Variants in CLIP4 observed in about 807,000 individuals in gnomAD.
The protein encoded by CLIP4 is CAP-Gly domain containing linker protein family member 4.
CLIP4 carries 47 observed loss-of-function variants against 73.1 expected under a neutral mutation model. The ratio of observed to expected loss-of-function variants is 0.64; its 90% CI spans 0.51 to 0.82. CLIP4 has a LOEUF of 0.82. Among genes scored for constraint, CLIP4 ranks in the 40% least tolerant of loss-of-function variants. The probability of loss-of-function intolerance (pLI) is 0.00; values close to 1 mark genes in which losing one functional copy is unlikely to be tolerated. For synonymous variants in CLIP4, 306 were observed against 295.4 expected (o/e 1.04, Z -0.37); for missense variants, 874 against 852.9 (o/e 1.02, Z -0.31).
intron 1 of CLIP4, among the ~76,000 whole-genome samples, chr2:29,105,622 T>C (rs116121085): frequency 0.04 from 6,110 of 152,326 alleles, 347 homozygotes; most frequent in African/African-American, 0.12. Context: ...CGTCTTACCA[T>C]GGGTCTGCTC....
intron 6 of CLIP4, among the ~76,000 whole-genome samples, chr2:29,137,343 T>C (rs1283405207): frequency 6.6e-6 from 1 of 152,204 alleles, no homozygotes; most frequent in African/African-American, 2.4e-5. Flanking sequence ...ATCCATGTTG[T>C]TGCAAAGGGC....
At chr2:29,106,438 C>T (rs1327164514) in intron 1 of CLIP4, among the ~76,000 whole-genome samples, 2 of 152,184 alleles carry the variant, frequency 1.3e-5, no homozygotes, top group Admixed American at 1.3e-4. Context: ...TGGGTGGTTT[C>T]TGTTCTCATG....
Position 29,143,412 on chromosome 2 carries a change from T to C in CLIP4, c.649-297T>C, listed in dbSNP as rs78990385. 3.3e-3 allele frequency among the ~76,000 whole-genome samples: 474 copies of C among 145,682 alleles called. 2 individuals carry two copies. Among genetic ancestry groups the C allele is most frequent in the African/African-American group, 0.011 (428 of 40,002 alleles). On this transcript the variant is annotated intron_variant, in intron 6 of 15. Transcript: ENST00000320081. ...ATTCCCCTTCCCTGTTTTTTTTTTT[T>C]CCCTCCAGGCCACTTATGACTGTTT...
chr2:29,149,403 T>C (rs1010119158), intron 8 of CLIP4, among the ~76,000 whole-genome samples: 4 of 127,698 alleles, frequency 3.1e-5, no homozygotes, highest in Non-Finnish European at 5.1e-5. Context: ...GTATTTTTTC[T>C]CCTTTTCTTT....
In CLIP4 at chr2:29,160,808, A is replaced by G. The variant is rs1306680493; in HGVS notation, c.1534+341A>G. Among the ~76,000 whole-genome samples the G allele has an allele frequency of 3.3e-5, 5 of 152,220 alleles. No homozygotes were observed. The East Asian group carries it at 9.6e-4, about 29-fold the overall frequency. ...GCTACGGATAATCTTTAAAATAAGT[A>G]GTAAATAATGAGTTAATTGTATACC... On this transcript the variant is annotated intron_variant, in intron 12 of 15. Transcript: ENST00000320081.
At position 29,129,268 on chromosome 2, in the gene CLIP4, T is replaced by C. The variant is rs1209512513; in HGVS notation, c.134-1990T>C. ...TAATGCTGACAACTCTGAAGGCATA[T>C]TGGTTTTTTAAACTAAACCAACAAT... On this transcript the variant is annotated intron_variant, in intron 2 of 15. Transcript: ENST00000320081. Among the ~76,000 whole-genome samples, 3 of 152,184 alleles carry C rather than the reference T, an allele frequency of 2.0e-5. No individual in the cohort carries two copies. In the East Asian group the frequency reaches 5.8e-4, roughly 29 times the overall value.
chr2:29,100,289 T>G (rs1446717759), intron 1 of CLIP4, among the ~76,000 whole-genome samples: 2 of 152,144 alleles, frequency 1.3e-5, no homozygotes, highest in Non-Finnish European at 2.9e-5. Context: ...TTTTCTTTCA[T>G]TGATTTCTTC....
At chr2:29,171,204 A>C (rs1239730251) in intron 14 of CLIP4, among the ~76,000 whole-genome samples, 1 of 152,174 alleles carries the variant, frequency 6.6e-6, no homozygotes, top group Non-Finnish European at 1.5e-5. Flanking sequence ...TGACATGTTA[A>C]TATTTAGTCT....
intron 1 of CLIP4, among the ~76,000 whole-genome samples, chr2:29,102,308 G>T (rs773020494): frequency 6.6e-6 from 1 of 152,172 alleles, no homozygotes; most frequent in Non-Finnish European, 1.5e-5. Flanking sequence ...CAATGAGACT[G>T]CAGGGACACG....
At position 29,183,418 on chromosome 2, in the gene CLIP4, T is replaced by G. The variant is rs1668734324; in HGVS notation, c.*1525T>G. ...TTTGCAAAATAAGGCTGCTTTGTAA[T>G]CAAGGAATATTTTTATTGATTGAAG... On this transcript the variant is annotated 3_prime_UTR_variant, in exon 16 of 16. Coordinates refer to ENST00000320081, the MANE Select transcript of CLIP4 (RefSeq NM_024692.6). 2 of 152,682 alleles carry G rather than the reference T, an allele frequency of 1.3e-5. No homozygotes were observed. Among genetic ancestry groups the G allele is most frequent in the Admixed American group, 6.5e-5 (1 of 15,290 alleles). The allele number at this position is 152,682 out of a possible 1,614,324, so 9.5% of individuals were successfully genotyped here.
upstream of CLIP4, chr2:29,114,743 A>G (rs1480398681): frequency 6.6e-6 from 1 of 152,310 alleles, no homozygotes; most frequent in East Asian, 1.9e-4. Flanking sequence ...CGCTGAACAC[A>G]GAAGTACAGC....
intron 1 of CLIP4, among the ~76,000 whole-genome samples, chr2:29,098,352 C>T (rs773571343): frequency 2.0e-5 from 3 of 152,206 alleles, no homozygotes; most frequent in Non-Finnish European, 2.9e-5. Flanking sequence ...CTTACGGTAT[C>T]ATGCAGAATA....
intron 15 of CLIP4, among the ~76,000 whole-genome samples, chr2:29,178,856 A>G (rs1044955870): frequency 6.6e-6 from 1 of 152,104 alleles, no homozygotes; most frequent in Non-Finnish European, 1.5e-5. Flanking sequence ...GAGCAGTGGC[A>G]CTATCTCAGC....
intron 15 of CLIP4, among the ~76,000 whole-genome samples, chr2:29,177,660 C>T (rs2148116184): frequency 6.6e-6 from 1 of 152,224 alleles, no homozygotes; most frequent in Non-Finnish European, 1.5e-5. Flanking sequence ...TTCAAGCTGG[C>T]AGAAATGTCA....
At chr2:29,119,919 A>G (rs534536119) in intron 1 of CLIP4, among the ~76,000 whole-genome samples, 7 of 152,206 alleles carry the variant, frequency 4.6e-5, no homozygotes, top group Non-Finnish European at 7.4e-5. Flanking sequence ...ATTCACCTTA[A>G]TAGATTGTAA....
chr2:29,160,128 T>C (rs1187922455), intron 11 of CLIP4, among the ~76,000 whole-genome samples: 2 of 152,216 alleles, frequency 1.3e-5, no homozygotes, highest in African/African-American at 2.4e-5. Context: ...CACATTTCCT[T>C]TGAGCAGCTT....
chr2:29,138,650 GT>G (rs1387555533), intron 6 of CLIP4, among the ~76,000 whole-genome samples: 1 of 151,998 alleles, frequency 6.6e-6, no homozygotes, highest in Non-Finnish European at 1.5e-5. Context: ...AGCATGGAGT[GT>G]TTTTCCATTT....
At chr2:29,134,697 A>AGAGGT (rs1178624549) in intron 5 of CLIP4, among the ~76,000 whole-genome samples, 3 of 152,136 alleles carry the variant, frequency 2.0e-5, no homozygotes, top group African/African-American at 7.2e-5. Flanking sequence ...TTGCAGAACC[A>AGAGGT]GAGGTATATT....
intron 14 of CLIP4, among the ~76,000 whole-genome samples, chr2:29,171,719 T>C (rs1668016766): frequency 6.6e-6 from 1 of 151,990 alleles, no homozygotes; most frequent in East Asian, 1.9e-4. Context: ...GGGTTTTCAC[T>C]ATGTTAGCCA....
Sources: gnomAD v4.1 joint callset for allele counts (sites outside exome capture counted in the v4.1 genomes callset) on GRCh38, gnomAD v4.1.1 for gene constraint, MANE v1.5 for transcripts, NCBI Gene and HGNC (gene_info 2026-07-23, HGNC 2026-07-21) for gene names.